LRRC37A2: variants seen among roughly 807,000 people sequenced by gnomAD.
LRRC37A2 encodes the protein leucine-rich repeat-containing protein 37A2.
Under a neutral mutation model 68.8 loss-of-function variants are expected in LRRC37A2, and 9 were observed. The ratio of observed to expected loss-of-function variants is 0.13; its 90% CI spans 0.08 to 0.23. LRRC37A2 has a LOEUF of 0.23. Ranked by LOEUF, LRRC37A2 falls within the 10% of genes least tolerant of loss-of-function variation. The pLI is 1.00. For missense variants in LRRC37A2, 168 were observed against 950.4 expected (o/e 0.18, Z 10.82); for synonymous variants, 63 against 367.6 (o/e 0.17, Z 9.48).
At chr17:46,935,215 C>T in the LRRC37A2 span, 197 of 1,612,052 alleles carry the variant, frequency 1.2e-4, no homozygotes, top group Non-Finnish European at 1.6e-4. Flanking sequence ...TTGTTTTAGC[C>T]TCATCCAACA....
chr17:46,832,314 C>T, the LRRC37A2 span, among the ~76,000 whole-genome samples: 1 of 151,736 alleles, frequency 6.6e-6, no homozygotes, highest in Non-Finnish European at 1.5e-5. Context: ...AGGGAACTAG[C>T]CCCAGAAGGG....
At chr17:46,707,379 T>C in the LRRC37A2 span, among the ~76,000 whole-genome samples, 1 of 152,234 alleles carries the variant, frequency 6.6e-6, no homozygotes, top group Admixed American at 6.5e-5. Context: ...TGTATTGTGT[T>C]AAAATACATA....
the LRRC37A2 span, chr17:46,874,981 C>T: frequency 8.0e-3 from 11,818 of 1,482,520 alleles, 76 homozygotes; most frequent in Non-Finnish European, 9.1e-3. Context: ...CTTGTCCTGC[C>T]CATCACAGCG....
chr17:46,842,197 G>A, the LRRC37A2 span, among the ~76,000 whole-genome samples: 1 of 152,216 alleles, frequency 6.6e-6, no homozygotes, highest in African/African-American at 2.4e-5. Context: ...TCGCCTCTCT[G>A]TGCCTCAGTT....
the LRRC37A2 span, among the ~76,000 whole-genome samples, chr17:46,804,400 T>C: frequency 6.6e-6 from 1 of 152,160 alleles, no homozygotes; most frequent in African/African-American, 2.4e-5. Flanking sequence ...TTTTATTTTG[T>C]TATTTAATCT....
the LRRC37A2 span, among the ~76,000 whole-genome samples, chr17:46,832,579 G>T: frequency 6.6e-6 from 1 of 152,058 alleles, no homozygotes; most frequent in African/African-American, 2.4e-5. Context: ...GGTGTGTAAG[G>T]CTAGCCTCTG....
chr17:46,906,432 A>T, the LRRC37A2 span, among the ~76,000 whole-genome samples: 1 of 152,220 alleles, frequency 6.6e-6, no homozygotes, highest in Non-Finnish European at 1.5e-5. Flanking sequence ...AATTAAATTT[A>T]TTTAAGAGAC....
chr17:46,726,671 A>C, the LRRC37A2 span: 4 of 1,431,928 alleles, frequency 2.8e-6, no homozygotes, highest in Non-Finnish European at 3.9e-6. Flanking sequence ...CTAATATCTC[A>C]AAAGTTACAA....
At chr17:46,912,477 A>G in the LRRC37A2 span, among the ~76,000 whole-genome samples, 1 of 152,162 alleles carries the variant, frequency 6.6e-6, no homozygotes, top group Non-Finnish European at 1.5e-5. Context: ...TTTTCCTTAG[A>G]CAAAACCCTC....
At chr17:47,017,699 A>G in the LRRC37A2 span, 1 of 1,611,036 alleles carries the variant, frequency 6.2e-7, no homozygotes, top group Non-Finnish European at 8.5e-7. Flanking sequence ...TTATACGCCA[A>G]TTATCCACAC....
the LRRC37A2 span, among the ~76,000 whole-genome samples, chr17:46,792,539 T>C: frequency 6.6e-6 from 1 of 152,154 alleles, no homozygotes. Flanking sequence ...AATGGTGCCG[T>C]GTTGGTTTAC....
At chr17:46,945,419 ATGGGGGTGG>A in the LRRC37A2 span, among the ~76,000 whole-genome samples, 1 of 152,126 alleles carries the variant, frequency 6.6e-6, no homozygotes, top group Non-Finnish European at 1.5e-5. Context: ...ACGTAGTGTG[ATGGGGGTGG>A]TGGGATAGTG....
the LRRC37A2 span, chr17:47,028,136 G>C: frequency 1.5e-6 from 1 of 672,158 alleles, no homozygotes. Context: ...TCATAAGCCA[G>C]TATCTTCCAC....
chr17:46,756,087 T>TC, the LRRC37A2 span: 1 of 425,116 alleles, frequency 2.4e-6, no homozygotes, highest in Non-Finnish European at 4.2e-6. Context: ...TCTTGCTCAG[T>TC]CCCTCTGGGT....
the LRRC37A2 span, among the ~76,000 whole-genome samples, chr17:46,501,757 C>T: frequency 1.3e-5 from 2 of 151,292 alleles, no homozygotes; most frequent in Non-Finnish European, 2.9e-5. Context: ...GGACCGATTT[C>T]AATTCCTGAT....
chr17:46,715,657 A>G, the LRRC37A2 span, among the ~76,000 whole-genome samples: 1 of 152,184 alleles, frequency 6.6e-6, no homozygotes. Flanking sequence ...GATCAAAGCT[A>G]CTTTGTAAGT....
the LRRC37A2 span, among the ~76,000 whole-genome samples, chr17:46,636,863 T>TTC: frequency 6.8e-6 from 1 of 146,762 alleles, no homozygotes; most frequent in East Asian, 2.0e-4. Context: ...TCTTTCTTTC[T>TTC]TTTTTTTTGA....
chr17:46,710,246 T>TA, the LRRC37A2 span, among the ~76,000 whole-genome samples: 1 of 152,236 alleles, frequency 6.6e-6, no homozygotes, highest in Admixed American at 6.5e-5. Flanking sequence ...CAATTGTAAA[T>TA]ACTAAAGTTA....
chr17:46,609,897 C>T, the LRRC37A2 span, among the ~76,000 whole-genome samples: 170 of 141,332 alleles, frequency 1.2e-3, 16 homozygotes, highest in Middle Eastern at 0.015. Context: ...GTGATCAGGG[C>T]TCCCTGTAGC....
Sources: gnomAD v4.1 joint callset for allele counts (sites outside exome capture counted in the v4.1 genomes callset) on GRCh38, gnomAD v4.1.1 for gene constraint, MANE v1.5 for transcripts, NCBI Gene and HGNC (gene_info 2026-07-23, HGNC 2026-07-21) for gene names.